The following RAD51B variants were observed in gnomAD, a reference collection of about 807,000 sequenced individuals.
RAD51B encodes RAD51 paralog B.
In RAD51B, 38 loss-of-function variants were observed where a neutral mutation model predicts 42.2. That is an observed-to-expected ratio of 0.90 (90% confidence interval 0.70 to 1.18). The LOEUF is 1.18. RAD51B is among the 50% of genes most tolerant of loss of function. RAD51B has a pLI of 0.00. For synonymous variants in RAD51B, 154 were observed against 145.2 expected, an observed-to-expected ratio of 1.06 and a Z score of -0.43; for missense variants, 373 against 400.7, an observed-to-expected ratio of 0.93 and a Z score of 0.59.
chr14:68,243,682 T>TACC (rs2080437858), intron 7 of RAD51B, among the ~76,000 whole-genome samples: 1 of 152,242 alleles, frequency 6.6e-6, no homozygotes. Context: ...GAATTCACAC[T>TACC]ACTTGATGAC....
chr14:68,597,909 G>A (rs1186764211), downstream of RAD51B, among the ~76,000 whole-genome samples: 1 of 151,716 alleles, frequency 6.6e-6, no homozygotes, highest in African/African-American at 2.4e-5. Flanking sequence ...TCAAATGATT[G>A]ATGCTGAAAT....
chr14:67,993,779 A>G (rs543773458), intron 7 of RAD51B, among the ~76,000 whole-genome samples: 1 of 152,108 alleles, frequency 6.6e-6, no homozygotes, highest in Non-Finnish European at 1.5e-5. Context: ...ACTGTTCTCC[A>G]TAGTGGTGGT....
At chr14:68,558,128 A>G (rs1888953173) in intron 10 of RAD51B, among the ~76,000 whole-genome samples, 1 of 152,196 alleles carries the variant, frequency 6.6e-6, no homozygotes, top group Non-Finnish European at 1.5e-5. Context: ...GCTTGGGCTT[A>G]GGGTAGTGGC....
intron 8 of RAD51B, among the ~76,000 whole-genome samples, chr14:68,376,269 A>G (rs1160746273): frequency 2.0e-5 from 3 of 152,122 alleles, no homozygotes; most frequent in Non-Finnish European, 2.9e-5. Flanking sequence ...GACCTCATGA[A>G]CCCATCTCAA....
At chr14:68,378,985 CA>C (rs1446252013) in intron 8 of RAD51B, among the ~76,000 whole-genome samples, 1 of 152,180 alleles carries the variant, frequency 6.6e-6, no homozygotes, top group African/African-American at 2.4e-5. Flanking sequence ...CTTGTTCTCC[CA>C]ACAATGCTTC....
chr14:68,487,944 A>G (rs1007015912), intron 10 of RAD51B, among the ~76,000 whole-genome samples: 1 of 152,122 alleles, frequency 6.6e-6, no homozygotes, highest in Non-Finnish European at 1.5e-5. Context: ...AACATCCCTT[A>G]TCCTCTGATC....
intron 7 of RAD51B, among the ~76,000 whole-genome samples, chr14:68,167,182 A>T (rs2078770527): frequency 6.6e-6 from 1 of 152,112 alleles, no homozygotes; most frequent in African/African-American, 2.4e-5. Flanking sequence ...AATCTTAATA[A>T]TCTTTACCTT....
chr14:68,537,979 CTT>C, intron 10 of RAD51B, among the ~76,000 whole-genome samples: 1 of 152,192 alleles, frequency 6.6e-6, no homozygotes, highest in East Asian at 1.9e-4. Flanking sequence ...ATCAAGATGT[CTT>C]CATTTCTGGG....
At chr14:67,854,978 T>C (rs1489503255) in intron 4 of RAD51B, among the ~76,000 whole-genome samples, 1 of 152,148 alleles carries the variant, frequency 6.6e-6, no homozygotes, top group Non-Finnish European at 1.5e-5. Context: ...ATTATTTTCA[T>C]ACTGTAATAT....
chr14:68,258,871 G>A (rs2080816100), intron 7 of RAD51B, among the ~76,000 whole-genome samples: 1 of 152,172 alleles, frequency 6.6e-6, no homozygotes, highest in Non-Finnish European at 1.5e-5. Flanking sequence ...TTACTGCAAA[G>A]AAAGAAGAAT....
Position 67,819,811 on chromosome 14 carries a change from T to C in RAD51B, c.-45T>C, listed in dbSNP as rs1016362337. The stretch of plus-strand genomic sequence containing the variant: ...TGCGGCGTTTTCCGCGGGGAAACTG[T>C]GTAAAGGGTGGGGAAACTTGAAAGT... On this transcript the variant is annotated 5_prime_UTR_variant, in exon 1 of 11. Coordinates refer to ENST00000471583, the MANE Select transcript of RAD51B (RefSeq NM_133510.4). 1 of 151,978 alleles carries C rather than the reference T, an allele frequency of 6.6e-6. No individual in the cohort carries two copies. The highest frequency in any genetic ancestry group is 2.4e-5 in the African/African-American group (1 of 41,348). 9.4% of individuals were successfully genotyped at this position (151,978 alleles called of 1,614,324 possible). A position where few individuals can be genotyped will look rare whatever the true frequency, so the allele number is the denominator to read the frequency against.
chr14:68,105,614 G>A (rs1019210835), intron 7 of RAD51B, among the ~76,000 whole-genome samples: 27 of 151,854 alleles, frequency 1.8e-4, no homozygotes, highest in Non-Finnish European at 3.1e-4. Context: ...ATTTTAAAAG[G>A]ATGAAAGGAA....
chr14:68,225,367 A>C (rs1213578336), intron 7 of RAD51B, among the ~76,000 whole-genome samples: 1 of 152,242 alleles, frequency 6.6e-6, no homozygotes, highest in Non-Finnish European at 1.5e-5. Flanking sequence ...TTGGAGGAGA[A>C]ATCATTAGAA....
intron 11 of RAD51B, among the ~76,000 whole-genome samples, chr14:68,663,010 G>A (rs1892964283): frequency 6.6e-6 from 1 of 152,222 alleles, no homozygotes; most frequent in African/African-American, 2.4e-5. Context: ...GCAAGAGACA[G>A]GAGGGTGGGG....
intron 5 of RAD51B, among the ~76,000 whole-genome samples, chr14:67,882,751 TC>T (rs1241972096): frequency 3.3e-5 from 5 of 152,112 alleles, no homozygotes; most frequent in African/African-American, 7.2e-5. Context: ...AGAAATTCTT[TC>T]TTTTTTTTTT....
chr14:68,508,432 G>A (rs1336796131), intron 10 of RAD51B, among the ~76,000 whole-genome samples: 4 of 152,190 alleles, frequency 2.6e-5, no homozygotes, highest in Admixed American at 6.5e-5. Context: ...CAGGCCACTC[G>A]CTATCCTTTG....
intron 7 of RAD51B, among the ~76,000 whole-genome samples, chr14:68,252,674 A>T (rs1006562086): frequency 1.3e-5 from 2 of 152,246 alleles, no homozygotes; most frequent in South Asian, 4.1e-4. Context: ...CATACTGAAT[A>T]TATACATACA....
chr14:67,979,327 A>T (rs182728128), intron 7 of RAD51B, among the ~76,000 whole-genome samples: 2 of 152,356 alleles, frequency 1.3e-5, no homozygotes, highest in African/African-American at 4.8e-5. Flanking sequence ...TTAAGTGAAG[A>T]AATACTTTTG....
At chr14:67,899,081 T>C (rs1019535533) in intron 7 of RAD51B, among the ~76,000 whole-genome samples, 2 of 152,106 alleles carry the variant, frequency 1.3e-5, no homozygotes, top group African/African-American at 4.8e-5. Context: ...TTTGCTCTGT[T>C]GCCCAGGCTG....
Sources: allele counts gnomAD v4.1 joint callset (sites outside exome capture counted in the v4.1 genomes callset), GRCh38; gene constraint gnomAD v4.1.1; transcripts MANE v1.5; gene names NCBI Gene and HGNC (gene_info 2026-07-23, HGNC 2026-07-21).